The following USP28 variants were observed in gnomAD, a reference collection of about 807,000 sequenced individuals.
USP28 encodes the protein ubiquitin specific peptidase 28, also known as ubiquitin carboxyl-terminal hydrolase 28.
USP28 carries 113 observed loss-of-function variants against 145.0 expected under a neutral mutation model. The observed-to-expected ratio is 0.78, with a 90% CI of 0.67 to 0.91. USP28 has a LOEUF of 0.91. Ranked by LOEUF, USP28 falls within the 40% of genes least tolerant of loss-of-function variation. USP28 has a pLI of 0.00. For synonymous variants in USP28, 447 were observed against 450.9 expected (o/e 0.99, Z 0.11); for missense variants, 1,201 against 1,289.6 (o/e 0.93, Z 1.05).
intron 1 of USP28, chr11:113,874,703 C>T (rs1313632811): frequency 4.8e-5 from 58 of 1,207,708 alleles, no homozygotes; most frequent in Admixed American, 6.6e-5. Flanking sequence ...TTGCCCTCTT[C>T]CCAAGTTTCT....
chr11:113,853,699 AC>A (rs1946726481), intron 2 of USP28, among the ~76,000 whole-genome samples: 1 of 151,924 alleles, frequency 6.6e-6, no homozygotes, highest in South Asian at 2.1e-4. Flanking sequence ...ATATGGTGAA[AC>A]CCCGTCTCTA....
chr11:113,799,776 A>C (rs986037278), intron 24 of USP28, among the ~76,000 whole-genome samples: 1 of 152,238 alleles, frequency 6.6e-6, no homozygotes, highest in South Asian at 2.1e-4. Flanking sequence ...AGGGGTGTAC[A>C]GTCTTTTGGC....
intron 21 of USP28, 65 bp from the exon 23 acceptor site, chr11:113,803,942 A>T (rs1345909102): frequency 7.0e-7 from 1 of 1,431,340 alleles, no homozygotes; most frequent in Admixed American, 1.8e-5. Context: ...CTTCCCATCT[A>T]AGTTTTAAAT....
chr11:113,843,033 C>T (rs1319254034), intron 3 of USP28, among the ~76,000 whole-genome samples: 1 of 151,874 alleles, frequency 6.6e-6, no homozygotes, highest in Non-Finnish European at 1.5e-5. Context: ...GAGTTTGAGA[C>T]CAACCTGGCC....
At chr11:113,861,303 T>C (rs186678648) in intron 1 of USP28, among the ~76,000 whole-genome samples, 50 of 152,242 alleles carry the variant, frequency 3.3e-4, no homozygotes, top group African/African-American at 1.1e-3. Context: ...GCCATAAGAA[T>C]ATGGCTGTCT....
At chr11:113,872,486 C>CAA (rs1241877247) in intron 1 of USP28, among the ~76,000 whole-genome samples, 27 of 109,828 alleles carry the variant, frequency 2.5e-4, no homozygotes, top group South Asian at 1.2e-3. Context: ...GACTCCGTCT[C>CAA]AAAAAAAAAA....
chr11:113,875,182 G>T (rs1444799124), intron 1 of USP28, among the ~76,000 whole-genome samples: 1 of 152,186 alleles, frequency 6.6e-6, no homozygotes, highest in Non-Finnish European at 1.5e-5. Context: ...CCCACGTCCA[G>T]CCCTTTATAT....
intron 16 of USP28, among the ~76,000 whole-genome samples, chr11:113,811,627 G>A (rs1267542688): frequency 6.6e-6 from 1 of 152,108 alleles, no homozygotes; most frequent in Non-Finnish European, 1.5e-5. Flanking sequence ...GGCGGAGGTT[G>A]CAGTGAGCTG....
Position 113,829,187 on chromosome 11 carries a change from T to A in USP28, c.1059+10A>T. ...GTCACTGGCACAGCAAATAAAGATC[T>A]CCAACGTACCTCTTGTCCATACTTC... On this transcript the variant is annotated intron_variant, in intron 10 of 24. Coordinates refer to ENST00000003302, the Ensembl canonical transcript of USP28. The A allele has an allele frequency of 6.2e-7, 1 of 1,611,808 alleles. No individual in the cohort carries two copies. The highest frequency in any genetic ancestry group is 2.2e-5 in the East Asian group (1 of 44,874).
intron 6 of USP28, among the ~76,000 whole-genome samples, chr11:113,833,854 G>C (rs189994171): frequency 5.8e-4 from 89 of 152,244 alleles, no homozygotes; most frequent in African/African-American, 2.1e-3. Context: ...TCCTGGGAAG[G>C]GTTAAATTGC....
chr11:113,810,548 C>A (rs2135380397), intron 16 of USP28, among the ~76,000 whole-genome samples: 1 of 152,346 alleles, frequency 6.6e-6, no homozygotes, highest in African/African-American at 2.4e-5. Flanking sequence ...AGCAGCTATT[C>A]ATTCCTTCGC....
exon 22 of USP28, chr11:113,803,864 T>G (rs781782018): frequency 2.4e-5 from 39 of 1,613,688 alleles, no homozygotes; most frequent in Non-Finnish European, 3.3e-5. Flanking sequence ...CAAACTATAA[T>G]CTTCATGCCA....
chr11:113,800,130 C>A (rs1184394153), intron 24 of USP28, among the ~76,000 whole-genome samples: 1 of 151,938 alleles, frequency 6.6e-6, no homozygotes. Context: ...CTCAGCCTCC[C>A]AAGTAGCTGG....
exon 10 of USP28, chr11:113,829,312 T>C: frequency 6.2e-7 from 1 of 1,614,212 alleles, no homozygotes; most frequent in Non-Finnish European, 8.5e-7. Flanking sequence ...AAGAGGATAC[T>C]GGCCGAAGGT....
At chr11:113,831,106 T>C in intron 8 of USP28, 163 bp from the exon 9 acceptor site, 1 of 639,432 alleles carries the variant, frequency 1.6e-6, no homozygotes, top group East Asian at 2.8e-5. Context: ...AAATATTTAT[T>C]GAACACCTTC....
chr11:113,822,935 T>G (rs1198178423), intron 12 of USP28, among the ~76,000 whole-genome samples: 1 of 151,872 alleles, frequency 6.6e-6, no homozygotes, highest in Non-Finnish European at 1.5e-5. Flanking sequence ...TAGGTGGAGG[T>G]GTGGTGGTCT....
chr11:113,830,128 G>A (rs973280075), intron 9 of USP28, among the ~76,000 whole-genome samples: 8 of 152,112 alleles, frequency 5.3e-5, no homozygotes, highest in African/African-American at 1.9e-4. Context: ...CGATGGAGGG[G>A]GAGCCTACAA....
At chr11:113,844,237 G>A (rs1335575748) in intron 3 of USP28, among the ~76,000 whole-genome samples, 10 of 151,878 alleles carry the variant, frequency 6.6e-5, no homozygotes, top group Non-Finnish European at 1.0e-4. Context: ...TCAGGAGTTC[G>A]AGACCAGCCT....
At chr11:113,857,159 A>C (rs1255002629) in intron 1 of USP28, among the ~76,000 whole-genome samples, 1 of 152,154 alleles carries the variant, frequency 6.6e-6, no homozygotes, top group African/African-American at 2.4e-5. Context: ...AAATCTCTGA[A>C]CTTTTTCATT....
Sources: allele counts gnomAD v4.1 joint callset (sites outside exome capture counted in the v4.1 genomes callset), GRCh38; gene constraint gnomAD v4.1.1; transcripts MANE v1.5; gene names NCBI Gene and HGNC (gene_info 2026-07-23, HGNC 2026-07-21).